FRMD5: variants seen among roughly 807,000 people sequenced by gnomAD.
The protein encoded by FRMD5 is FERM domain-containing protein 5.
A neutral mutation model predicts 69.0 loss-of-function variants in FRMD5; 20 were observed. That is an observed-to-expected ratio of 0.29 (90% CI 0.20 to 0.42). FRMD5 has a LOEUF of 0.42. FRMD5 is among the 10% of genes least tolerant of loss of function. FRMD5 has a pLI of 1.00. For missense variants in FRMD5, 595 were observed against 708.6 expected, an observed-to-expected ratio of 0.84 and a Z score of 1.82; for synonymous variants, 271 against 260.1, an observed-to-expected ratio of 1.04 and a Z score of -0.40.
At chr15:43,959,273 T>C (rs1056075321) in intron 1 of FRMD5, among the ~76,000 whole-genome samples, 3 of 152,220 alleles carry the variant, frequency 2.0e-5, no homozygotes, top group African/African-American at 7.2e-5. Context: ...AATTTAACAC[T>C]ACTCAAATAT....
rs1345755132 is a variant in FRMD5 at position 43,885,685 on chromosome 15, A to G, written c.955T>C (p.Tyr319His). The change falls in exon 11 of 14, where the codon TAC becomes CAC. Residue 319 changes from tyrosine to histidine, a missense_variant. Around this residue, in one of 5 missense-constraint regions of FRMD5, gnomAD observed 176 missense variants for 266.3 expected, o/e 0.66. Coordinates refer to ENST00000417257, the MANE Select transcript of FRMD5 (RefSeq NM_032892.5). ...NLFFKGSRFR[Y>H]SGRVAKEVME... is the part of the protein sequence containing the mutation. ...TTACTTACTGTCACTATTTACCTGT[A>G]TCGGAACCGGCTCCCTTTAAAGAAT... 4 of 1,613,490 alleles carry G rather than the reference A, an allele frequency of 2.5e-6. No individual in the cohort carries two copies. The highest frequency in any genetic ancestry group is 8.5e-7 in the Non-Finnish European group (1 of 1,179,402).
chr15:43,962,552 C>A (rs903219289), intron 1 of FRMD5, among the ~76,000 whole-genome samples: 15 of 152,170 alleles, frequency 9.9e-5, no homozygotes, highest in African/African-American at 3.6e-4. Context: ...TTGGAAAAAA[C>A]TACTTTAAAG....
chr15:43,887,251 C>T (rs989496746), intron 10 of FRMD5, among the ~76,000 whole-genome samples: 1 of 152,174 alleles, frequency 6.6e-6, no homozygotes, highest in Non-Finnish European at 1.5e-5. Flanking sequence ...TGCGGAGACC[C>T]GTGGGACCCC....
At chr15:44,050,566 T>G (rs1029360866) in intron 1 of FRMD5, among the ~76,000 whole-genome samples, 4 of 146,826 alleles carry the variant, frequency 2.7e-5, no homozygotes, top group Non-Finnish European at 4.5e-5. Context: ...GATATGGTCT[T>G]GCTATGTTGT....
At chr15:44,172,756 A>C (rs766331505) in intron 1 of FRMD5, among the ~76,000 whole-genome samples, 3 of 152,208 alleles carry the variant, frequency 2.0e-5, no homozygotes, top group Non-Finnish European at 4.4e-5. Flanking sequence ...TTTTTAGTTA[A>C]TTTAAATAAA....
chr15:44,059,745 G>A (rs2140374885), intron 1 of FRMD5, among the ~76,000 whole-genome samples: 1 of 152,098 alleles, frequency 6.6e-6, no homozygotes, highest in East Asian at 1.9e-4. Flanking sequence ...TCTATCTCCT[G>A]ACCTCGTGAT....
chr15:43,905,689 A>C, intron 6 of FRMD5, 139 bp downstream of exon 6: 1 of 1,026,306 alleles, frequency 9.7e-7, no homozygotes, highest in Non-Finnish European at 1.5e-6. Context: ...TGACAATGGT[A>C]CATCCGCGGT....
rs1035640595 is a variant in FRMD5, at chr15:43,872,433, C to A, written c.*1452G>T. ...CCACCCTTAAATAAGCCCTCAAGCC[C>A]CAGATGACTTAGAAATCTCTCCCTG... On this transcript the variant is annotated 3_prime_UTR_variant, in exon 14 of 14. Coordinates refer to ENST00000417257, the MANE Select transcript of FRMD5 (RefSeq NM_032892.5). The A allele has an allele frequency of 6.6e-6, 1 of 152,030 alleles. No individual in the cohort carries two copies. Among genetic ancestry groups the A allele is most frequent in the Non-Finnish European group, 1.5e-5 (1 of 68,036 alleles). 9.4% of individuals were successfully genotyped at this position (152,030 alleles called of 1,614,324 possible). A position where few individuals can be genotyped will look rare whatever the true frequency, so the allele number is the denominator to read the frequency against.
At chr15:44,124,273 G>A (rs753647109) in intron 1 of FRMD5, among the ~76,000 whole-genome samples, 14 of 151,734 alleles carry the variant, frequency 9.2e-5, no homozygotes, top group African/African-American at 2.4e-4. Context: ...GATTACAGGC[G>A]TGAGCCACCG....
rs1327423068 is a variant in FRMD5, at chr15:43,876,270, A to G, written c.1136-1808T>C. 4 of 1,462,702 alleles carry G rather than the reference A, an allele frequency of 2.7e-6. No homozygotes were observed. In the Admixed American group the frequency reaches 7.8e-5, roughly 29 times the overall value. The allele number at this position is 1,462,702 out of a possible 1,614,324, so 90.6% of individuals were successfully genotyped here. ...CTTGGAAGCTTGTTGTTGAACTCTGAACTCTGGGCCTGGTTTTTACCCCAG... is the reference window on the plus strand; with the variant it reads ...CTTGGAAGCTTGTTGTTGAACTCTGGACTCTGGGCCTGGTTTTTACCCCAG... On this transcript the variant is annotated intron_variant, in intron 13 of 13. Transcript: ENST00000417257.
intron 1 of FRMD5, among the ~76,000 whole-genome samples, chr15:44,043,510 C>T (rs1892295066): frequency 6.6e-6 from 1 of 152,170 alleles, no homozygotes; most frequent in East Asian, 1.9e-4. Context: ...CATCACGCTA[C>T]CTGACTTCAA....
intron 1 of FRMD5, among the ~76,000 whole-genome samples, chr15:43,945,569 C>A (rs1274913281): frequency 6.6e-6 from 1 of 152,100 alleles, no homozygotes; most frequent in Non-Finnish European, 1.5e-5. Context: ...TATATGATTG[C>A]CAAGCCCTCA....
chr15:44,076,001 T>C (rs1893744712), intron 1 of FRMD5, among the ~76,000 whole-genome samples: 1 of 152,228 alleles, frequency 6.6e-6, no homozygotes, highest in African/African-American at 2.4e-5. Flanking sequence ...CGCCCACTTT[T>C]TGATGGGGTT....
chr15:44,113,251 T>C (rs2076824506), intron 1 of FRMD5, among the ~76,000 whole-genome samples: 2 of 152,210 alleles, frequency 1.3e-5, no homozygotes, highest in Admixed American at 6.5e-5. Context: ...CAATCTGCAT[T>C]GTAGGGTTTT....
chr15:44,100,325 G>A (rs1463504555), intron 1 of FRMD5, among the ~76,000 whole-genome samples: 1 of 151,792 alleles, frequency 6.6e-6, no homozygotes, highest in African/African-American at 2.4e-5. Flanking sequence ...CCGAAGTGCT[G>A]GGATTACAGG....
chr15:43,963,388 A>G (rs990210227), intron 1 of FRMD5, among the ~76,000 whole-genome samples: 1 of 152,252 alleles, frequency 6.6e-6, no homozygotes, highest in African/African-American at 2.4e-5. Flanking sequence ...AATGGCTATC[A>G]TTAAAAAGTC....
rs764553573 is a variant in FRMD5 at position 43,874,354 on chromosome 15, C to T, written c.1244G>A (p.Arg415Gln). Residue 415 changes from arginine (R) to glutamine (Q), a missense_variant, in exon 14 of 14, where the codon CGA becomes CAA. Transcript: ENST00000417257. ...VRSSRTDSNERVAVIADEAYS... is the reference protein window; with the variant it reads ...VRSSRTDSNEQVAVIADEAYS... ...GGCCTCGTCTGCAATCACAGCTACT[C>T]GCTCATTGCTATCTGTCCGGCTGCT... 37 of 1,614,054 alleles carry T rather than the reference C, an allele frequency of 2.3e-5. No individual in the cohort carries two copies. Among genetic ancestry groups the T allele is most frequent in the East Asian group, 1.1e-4 (5 of 44,888 alleles).
At chr15:43,944,608 G>A (rs561750023) in intron 1 of FRMD5, among the ~76,000 whole-genome samples, 3 of 151,128 alleles carry the variant, frequency 2.0e-5, no homozygotes, top group South Asian at 4.2e-4. Context: ...TTTTTTTTTC[G>A]AGATGGAGTC....
At chr15:43,922,416 T>A (rs1026644433) in intron 2 of FRMD5, among the ~76,000 whole-genome samples, 7 of 152,168 alleles carry the variant, frequency 4.6e-5, no homozygotes, top group African/African-American at 1.7e-4. Context: ...GCTGGAAGAA[T>A]TAGGTTTGTG....
Sources: gnomAD v4.1 joint callset for allele counts (sites outside exome capture counted in the v4.1 genomes callset) on GRCh38, gnomAD v4.1.1 for gene constraint, gnomAD v4.1.1 regional missense constraint, MANE v1.5 for transcripts, NCBI Gene and HGNC (gene_info 2026-07-23, HGNC 2026-07-21) for gene names.